NBPF3: variants seen among roughly 807,000 people sequenced by gnomAD.
The protein encoded by NBPF3 is NBPF family member NBPF3.
NBPF3 carries 57 observed loss-of-function variants against 78.1 expected under a neutral mutation model. The observed-to-expected ratio is 0.73, with a 90% CI of 0.59 to 0.91. The LOEUF is 0.91. NBPF3 is among the 40% of genes least tolerant of loss of function. The pLI is 0.00. For missense variants in NBPF3, 510 were observed against 715.3 expected, an observed-to-expected ratio of 0.71 and a Z score of 3.27; for synonymous variants, 182 against 271.7, an observed-to-expected ratio of 0.67 and a Z score of 3.25.
At chr1:21,463,670 A>G (rs1351217167) in intron 2 of NBPF3, among the ~76,000 whole-genome samples, 1 of 152,236 alleles carries the variant, frequency 6.6e-6, no homozygotes, top group Non-Finnish European at 1.5e-5. Context: ...TGAAAAGATA[A>G]TCCACATAAT....
chr1:21,437,457 A>G (rs1640447009), upstream of NBPF3: 1 of 1,437,234 alleles, frequency 7.0e-7, no homozygotes, highest in Non-Finnish European at 9.3e-7. Context: ...GACAAGACCG[A>G]GGGCACCATG....
intron 8 of NBPF3, 112 bp downstream of exon 8, chr1:21,475,063 C>T: frequency 1.1e-6 from 1 of 915,488 alleles, no homozygotes; most frequent in South Asian, 1.4e-5. Context: ...CACCCAGCTA[C>T]AAGTTGTCCT....
chr1:21,448,354 G>A (rs1270006008), intron 2 of NBPF3, among the ~76,000 whole-genome samples: 1 of 149,812 alleles, frequency 6.7e-6, no homozygotes, highest in East Asian at 2.0e-4. Context: ...GCATGTGTTT[G>A]TCCAGCTGTT....
At position 21,471,214 on chromosome 1, in the gene NBPF3, G is replaced by A. The variant is rs544037492; in HGVS notation, c.447-355G>A. Among the ~76,000 whole-genome samples, 6 of 152,120 alleles carry A rather than the reference G, an allele frequency of 3.9e-5. No homozygotes were observed. The South Asian group carries it at 1.0e-3, about 26-fold the overall frequency. On this transcript the variant is annotated intron_variant, in intron 4 of 14. Coordinates refer to ENST00000318249, the MANE Select transcript of NBPF3 (RefSeq NM_032264.6). ...TCTGTCCATGGCTTTGTATCTAGTC[G>A]CTGCAAGATGCACTATGTGTATATG... is the stretch of plus-strand genomic sequence containing the variant.
upstream of NBPF3, chr1:21,437,287 G>C: frequency 2.4e-6 from 1 of 409,640 alleles, no homozygotes; most frequent in Non-Finnish European, 4.4e-6. Flanking sequence ...AGAGGAGTGT[G>C]CCTGGGGGTT....
intron 2 of NBPF3, chr1:21,451,773 G>A: frequency 4.3e-6 from 1 of 235,132 alleles, no homozygotes; most frequent in South Asian, 6.9e-5. Context: ...GGTAGCCCTT[G>A]TAGATAAGGA....
rs1317863000 is a variant in NBPF3, at chr1:21,476,183, G to A, written c.992+1232G>A. 6.6e-6 allele frequency among the ~76,000 whole-genome samples: 1 copy of A among 152,048 alleles called. No individual in the cohort carries two copies. The highest frequency in any genetic ancestry group is 1.5e-5 in the Non-Finnish European group (1 of 68,012). On this transcript the variant is annotated intron_variant, in intron 8 of 14. Transcript: ENST00000318249. The surrounding 1 kb of genome is among the most constrained non-coding windows in gnomAD (Gnocchi z 4.1). ...ATGTGTGTCTCTGCACGTGAGATGG[G>A]TCTCCTGCGTACAGCACACTGATGG...
intron 2 of NBPF3, among the ~76,000 whole-genome samples, chr1:21,455,359 G>A (rs1641541716): frequency 2.0e-5 from 3 of 152,182 alleles, no homozygotes; most frequent in South Asian, 4.1e-4. Flanking sequence ...TTATATAAGA[G>A]CAAAGATCAC....
chr1:21,455,302 G>T (rs1231936068), intron 2 of NBPF3, among the ~76,000 whole-genome samples: 2 of 152,184 alleles, frequency 1.3e-5, no homozygotes, highest in African/African-American at 4.8e-5. Context: ...CACAATCGCA[G>T]GAGTGACATC....
At chr1:21,456,223 A>G (rs1641591884) in intron 2 of NBPF3, among the ~76,000 whole-genome samples, 1 of 152,224 alleles carries the variant, frequency 6.6e-6, no homozygotes, top group African/African-American at 2.4e-5. Context: ...AGCAAAATTA[A>G]TTCACACAAT....
At chr1:21,436,903 T>A (rs1230273536), upstream of NBPF3, 1 of 352,362 alleles carries the variant, frequency 2.8e-6, no homozygotes, top group Non-Finnish European at 4.8e-6. This position sits in a 1 kb window ranked among gnomAD's most constrained non-coding sequence, Gnocchi z 4.3. Context: ...TCCGGGGAGG[T>A]CCGGCGGAGG....
intron 2 of NBPF3, among the ~76,000 whole-genome samples, chr1:21,449,625 C>G (rs1641187252): frequency 6.6e-6 from 1 of 152,092 alleles, no homozygotes; most frequent in Admixed American, 6.6e-5. Context: ...CACCTGCCAC[C>G]ACGCCTGGCT....
chr1:21,477,035 A>G (rs7527470), intron 8 of NBPF3, among the ~76,000 whole-genome samples: 17,493 of 152,158 alleles, frequency 0.11, 1,357 homozygotes, highest in South Asian at 0.32. Context: ...TTGATCTTCA[A>G]TCACTAATAC....
Position 21,476,470 on chromosome 1 carries a change from T to A in NBPF3, c.992+1519T>A, listed in dbSNP as rs1642894508. On this transcript the variant is annotated intron_variant, in intron 8 of 14. Coordinates refer to ENST00000318249, the MANE Select transcript of NBPF3 (RefSeq NM_032264.6). This position sits in a 1 kb window ranked among gnomAD's most constrained non-coding sequence, Gnocchi z 4.1. The stretch of plus-strand genomic sequence containing the variant: ...TTCAGGAGCTCTTGCAAGGCAGGCC[T>A]GGTGGTGACAAAACCTCTCAGCATT... 2.0e-5 allele frequency among the ~76,000 whole-genome samples: 3 copies of A among 152,234 alleles called. No individual in the cohort carries two copies. The highest frequency in any genetic ancestry group is 6.5e-5 in the Admixed American group (1 of 15,282).
At chr1:21,477,213 G>T (rs1481442952) in intron 8 of NBPF3, among the ~76,000 whole-genome samples, 1 of 152,122 alleles carries the variant, frequency 6.6e-6, no homozygotes, top group Non-Finnish European at 1.5e-5. Context: ...TCCTTGTGAT[G>T]GGTTTGCACA....
intron 5 of NBPF3, among the ~76,000 whole-genome samples, chr1:21,472,222 G>T (rs1459677989): frequency 6.6e-6 from 1 of 152,202 alleles, no homozygotes; most frequent in Non-Finnish European, 1.5e-5. Flanking sequence ...CAGGCAAATT[G>T]TCTCTTGCAA....
chr1:21,455,754 G>A (rs957680310), intron 2 of NBPF3, among the ~76,000 whole-genome samples: 2 of 152,204 alleles, frequency 1.3e-5, no homozygotes, highest in African/African-American at 2.4e-5. Flanking sequence ...AGTCTATGTG[G>A]GGTTCCATAT....
chr1:21,458,356 G>A (rs1301372401), intron 2 of NBPF3, among the ~76,000 whole-genome samples: 1 of 145,882 alleles, frequency 6.9e-6, no homozygotes, highest in Non-Finnish European at 1.5e-5. Flanking sequence ...TTTGTAATAA[G>A]GGCATGGGCT....
upstream of NBPF3, among the ~76,000 whole-genome samples, chr1:21,439,623 C>G (rs1300649815): frequency 2.6e-5 from 4 of 152,044 alleles, no homozygotes; most frequent in Admixed American, 2.0e-4. Flanking sequence ...CCTATTTTAA[C>G]TTTACAATTT....
Sources: allele counts gnomAD v4.1 joint callset (sites outside exome capture counted in the v4.1 genomes callset), GRCh38; gene constraint gnomAD v4.1.1; non-coding constraint Gnocchi (gnomAD v3.1); transcripts MANE v1.5; gene names NCBI Gene and HGNC (gene_info 2026-07-23, HGNC 2026-07-21).